CFAP46: variants seen among roughly 807,000 people sequenced by gnomAD.
The protein encoded by CFAP46 is cilia- and flagella-associated protein 46.
Under a neutral mutation model 325.7 loss-of-function variants are expected in CFAP46, and 245 were observed. The observed-to-expected ratio is 0.75, with a 90% CI of 0.68 to 0.84. The LOEUF (loss-of-function observed/expected upper bound fraction) is 0.84. CFAP46 is among the 40% of genes least tolerant of loss of function. CFAP46 has a pLI of 0.00. For synonymous variants in CFAP46, 1,523 were observed against 1,495.9 expected (o/e 1.02, Z -0.42); for missense variants, 3,346 against 3,543.0 (o/e 0.94, Z 1.41).
chr10:132,941,904 G>T (rs1850109167), intron 2 of CFAP46, 76 bp downstream of exon 2: 1 of 1,532,174 alleles, frequency 6.5e-7, no homozygotes, highest in Non-Finnish European at 8.8e-7. Context: ...GCCCCACTCT[G>T]CATCCGCTGC....
At chr10:132,940,581 C>T (rs1850082257) in intron 4 of CFAP46, among the ~76,000 whole-genome samples, 1 of 145,284 alleles carries the variant, frequency 6.9e-6, no homozygotes, top group Admixed American at 6.8e-5. Context: ...AAAACAGACT[C>T]TTTTTTTTTT....
chr10:132,885,281 A>T lies in CFAP46; in HGVS notation c.3449T>A (p.Ile1150Asn), dbSNP rs1273776281. 2 of 1,544,140 alleles carry T rather than the reference A, an allele frequency of 1.3e-6. No individual in the cohort carries two copies. The highest frequency in any genetic ancestry group is 4.0e-5 in the Admixed American group (2 of 50,472). The change falls in exon 27 of 58, where the codon ATC becomes AAC. Residue 1150 changes from isoleucine (I) to asparagine (N), a missense_variant. Transcript: ENST00000368586. ...CTTCACGATGACCATGTGCTTGAAG[A>T]TCAAGCTAAAGAAAGGGAAGGTGAG... is the stretch of plus-strand genomic sequence containing the variant. ...VLPRTAHRLL[I>N]FKHMVIVKAK...
intron 50 of CFAP46, among the ~76,000 whole-genome samples, chr10:132,824,242 AGTGCTGATGTGTGCTGT>A (rs1302985049): frequency 1.1e-5 from 1 of 90,868 alleles, no homozygotes; most frequent in Non-Finnish European, 2.1e-5. Context: ...GTGCTGTGTG[AGTGCTGATGTGTGCTGT>A]GTGCTGATGT....
intron 31 of CFAP46, among the ~76,000 whole-genome samples, chr10:132,874,747 A>C (rs144678283): frequency 6.8e-6 from 1 of 146,950 alleles, no homozygotes; most frequent in Non-Finnish European, 1.5e-5. Context: ...AAAATTATTA[A>C]CGAATAGAAA....
Position 132,877,001 on chromosome 10 carries a change from A to C in CFAP46, c.4213-40T>G. 6.5e-7 allele frequency: 1 copy of C among 1,537,612 alleles called. No individual in the cohort carries two copies. The highest frequency in any genetic ancestry group is 8.8e-7 in the Non-Finnish European group (1 of 1,139,610). On this transcript the variant is annotated intron_variant, in intron 30 of 57. Coordinates refer to ENST00000368586, the MANE Select transcript of CFAP46 (RefSeq NM_001200049.3). The surrounding 1 kb of genome is among the most constrained non-coding windows in gnomAD (Gnocchi z 5.7). The stretch of plus-strand genomic sequence containing the variant: ...ATACAGGATTTACCTGAAACGGTGG[A>C]GGTGAAACAGCAGACACCCCCGGCC...
Position 132,873,462 on chromosome 10 carries a change from C to T in CFAP46, c.4363-638G>A, listed in dbSNP as rs183283615. ...TCAGGCACTGAGGCATCCAGGGATACGAGCCTGGCTGTCAGGCACTGAGGC... is the reference window on the plus strand; with the variant it reads ...TCAGGCACTGAGGCATCCAGGGATATGAGCCTGGCTGTCAGGCACTGAGGC... On this transcript the variant is annotated intron_variant, in intron 31 of 57. Coordinates refer to ENST00000368586, the MANE Select transcript of CFAP46 (RefSeq NM_001200049.3). Among the ~76,000 whole-genome samples the T allele has an allele frequency of 1.2e-3, 177 of 152,080 alleles. 1 individual carries two copies. The highest frequency in any genetic ancestry group is 4.1e-3 in the African/African-American group (169 of 41,498).
intron 50 of CFAP46, among the ~76,000 whole-genome samples, chr10:132,830,956 A>C (rs1178261271): frequency 1.3e-5 from 2 of 152,224 alleles, no homozygotes; most frequent in East Asian, 3.8e-4. Context: ...CAGCATCCAC[A>C]CATAATGATA....
At chr10:132,902,248 C>T (rs1045542495) in intron 22 of CFAP46, among the ~76,000 whole-genome samples, 2 of 121,774 alleles carry the variant, frequency 1.6e-5, no homozygotes, top group Non-Finnish European at 3.3e-5. Flanking sequence ...AGGTTAGACC[C>T]CCTGCTATGG....
rs146834558 is a variant in CFAP46, at chr10:132,891,972, A to G, written c.3304+361T>C. ...TAAAATGTACAAAATCAAGCTATAA[A>G]CCAACGACCTTGGGCCCAAGTTCTC... On this transcript the variant is annotated intron_variant, in intron 25 of 57. Transcript: ENST00000368586. Among the ~76,000 whole-genome samples, 947 of 152,132 alleles carry G rather than the reference A, an allele frequency of 6.2e-3. 10 individuals are homozygous for G. The highest frequency in any genetic ancestry group is 0.022 in the African/African-American group (896 of 41,480).
At chr10:132,813,981 C>T (rs745820709) in intron 54 of CFAP46, among the ~76,000 whole-genome samples, 171 bp downstream of exon 54, 12 of 152,322 alleles carry the variant, frequency 7.9e-5, no homozygotes, top group African/African-American at 1.7e-4. Context: ...CAGTGCCCCT[C>T]GCCCAGTCTC....
At chr10:132,887,613 TCTCTC>T (rs1460478305) in intron 25 of CFAP46, among the ~76,000 whole-genome samples, 6 of 34,712 alleles carry the variant, frequency 1.7e-4, no homozygotes, top group African/African-American at 6.2e-4. Context: ...TCTCCTCTCC[TCTCTC>T]CTCTTCTCTC....
intron 22 of CFAP46, among the ~76,000 whole-genome samples, chr10:132,903,257 C>A (rs1193145907): frequency 6.6e-6 from 1 of 152,230 alleles, no homozygotes; most frequent in African/African-American, 2.4e-5. Flanking sequence ...AGCGTACAGA[C>A]CCCTCCATCC....
At chr10:132,879,002 G>C (rs1000257330) in intron 29 of CFAP46, among the ~76,000 whole-genome samples, 1 of 152,190 alleles carries the variant, frequency 6.6e-6, no homozygotes, top group African/African-American at 2.4e-5. Flanking sequence ...CCCCGTCAGC[G>C]GGCGGTTCAG....
intron 50 of CFAP46, among the ~76,000 whole-genome samples, chr10:132,821,496 T>C (rs1180906528): frequency 2.2e-5 from 3 of 139,514 alleles, no homozygotes; most frequent in African/African-American, 5.6e-5. Context: ...TGAGTGCTGA[T>C]GTGTGCTGTG....
At chr10:132,842,144 G>A (rs1464816244) in intron 44 of CFAP46, among the ~76,000 whole-genome samples, 1 of 152,164 alleles carries the variant, frequency 6.6e-6, no homozygotes, top group African/African-American at 2.4e-5. Flanking sequence ...CCCTTTTGCA[G>A]CTCCGTGTAG....
At position 132,850,360 on chromosome 10, in the gene CFAP46, C is replaced by G. The variant is rs748187110; in HGVS notation, c.5836G>C (p.Val1946Leu). ...CGGGCGCGGATCTCCACACAGCCCA[C>G]GCTCAGCGGCTGCAGGCTCCCCAGC... ...AQLGSLQPLS[V>L]GCVEIRARLL... The change falls in exon 41 of 58, where the codon GTG becomes CTG. Residue 1946 changes from valine to leucine, a missense_variant. Transcript: ENST00000368586. 9 of 1,565,030 alleles carry G rather than the reference C, an allele frequency of 5.8e-6. No homozygotes were observed. Among genetic ancestry groups the G allele is most frequent in the Non-Finnish European group, 6.9e-6 (8 of 1,154,700 alleles).
In CFAP46 at chr10:132,939,380, T is replaced by C. The variant is rs142678185; in HGVS notation, c.372-627A>G. Among the ~76,000 whole-genome samples, 2,616 of 152,266 alleles carry C rather than the reference T, an allele frequency of 0.017. 27 individuals are homozygous for C. Among genetic ancestry groups the C allele is most frequent in the Non-Finnish European group, 0.026 (1,766 of 68,002 alleles). ...CCTCTCAGGGGTCTGGGCCTCTCCC[T>C]GGGCAGCAGGGAGCATTGCAGGGAC... On this transcript the variant is annotated intron_variant, in intron 4 of 57. Transcript: ENST00000368586. This position sits in a 1 kb window ranked among gnomAD's most constrained non-coding sequence, Gnocchi z 4.6.
At chr10:132,826,806 C>T (rs564514571) in intron 50 of CFAP46, among the ~76,000 whole-genome samples, 17 of 152,216 alleles carry the variant, frequency 1.1e-4, no homozygotes, top group South Asian at 2.1e-4. Flanking sequence ...GCCATTTGCA[C>T]GAGTTTAATA....
rs1045953502 is a variant in CFAP46, at chr10:132,867,255, C to T, written c.4743+120G>A. On this transcript the variant is annotated intron_variant, in intron 34 of 57. Transcript: ENST00000368586. The stretch of plus-strand genomic sequence containing the variant: ...ACACACTGACACACACCCAGGCCGG[C>T]CCCTCACACACTGACACACACACAG... The T allele has an allele frequency of 8.8e-6, 11 of 1,245,720 alleles. No homozygotes were observed. In the African/African-American group the frequency reaches 1.4e-4, roughly 15 times the overall value. 77.2% of individuals were successfully genotyped at this position (1,245,720 alleles called of 1,614,324 possible).
Sources: gnomAD v4.1 joint callset for allele counts (sites outside exome capture counted in the v4.1 genomes callset) on GRCh38, gnomAD v4.1.1 for gene constraint, Gnocchi (gnomAD v3.1) non-coding constraint, MANE v1.5 for transcripts, NCBI Gene and HGNC (gene_info 2026-07-23, HGNC 2026-07-21) for gene names.